The following TGM2 variants were observed in gnomAD, a reference collection of about 807,000 sequenced individuals.
TGM2 encodes the protein protein-glutamine gamma-glutamyltransferase 2.
Under a neutral mutation model 75.6 loss-of-function variants are expected in TGM2, and 53 were observed. That is an observed-to-expected ratio of 0.70 (90% CI 0.56 to 0.88). The LOEUF is 0.88. Among genes scored for constraint, TGM2 ranks in the 40% least tolerant of loss-of-function variants. TGM2 has a pLI of 0.00. For missense variants in TGM2, 842 were observed against 928.5 expected (o/e 0.91, Z 1.21); for synonymous variants, 374 against 381.1 (o/e 0.98, Z 0.22).
chr20:38,132,691 A>T (rs775442317), intron 10 of TGM2, 191 bp from the exon 11 acceptor site: 2 of 765,862 alleles, frequency 2.6e-6, no homozygotes, highest in Non-Finnish European at 4.5e-6. Flanking sequence ...GTGGACACTG[A>T]GCAGCGGGTA....
intron 3 of TGM2, among the ~76,000 whole-genome samples, chr20:38,153,533 G>GAAAAGAAAAGA (rs2075142383): frequency 2.3e-5 from 2 of 87,448 alleles, no homozygotes; most frequent in Non-Finnish European, 2.3e-5. Flanking sequence ...TCAAAAAAAA[G>GAAAAGAAAAGA]AAAAAAAAAA....
At position 38,147,955 on chromosome 20, in the gene TGM2, A is replaced by T; in HGVS notation, c.681+6T>A. ...CGCCCCTGGATGGGCCATGCCACTC[A>T]CTCACCATGCCACTCACCACCCGGC... On this transcript the variant is annotated splice_donor_region_variant and intron_variant, in intron 5 of 12. Coordinates refer to ENST00000361475, the MANE Select transcript of TGM2 (RefSeq NM_004613.4). 1 of 1,608,688 alleles carries T rather than the reference A, an allele frequency of 6.2e-7. No homozygotes were observed. Among genetic ancestry groups the T allele is most frequent in the Non-Finnish European group, 8.5e-7 (1 of 1,178,380 alleles).
chr20:38,157,333 T>C (rs2075200593), intron 2 of TGM2, among the ~76,000 whole-genome samples: 1 of 152,042 alleles, frequency 6.6e-6, no homozygotes. Flanking sequence ...AGGGGCCGAC[T>C]GGAAGCCTTT....
chr20:38,166,024 C>T (rs1243922787), upstream of TGM2, among the ~76,000 whole-genome samples: 4 of 58,836 alleles, frequency 6.8e-5, no homozygotes, highest in South Asian at 7.5e-4. Context: ...CAGATGTGGA[C>T]GCAAAATCAG....
chr20:38,156,777 T>C (rs573752104), intron 2 of TGM2, among the ~76,000 whole-genome samples: 1 of 152,346 alleles, frequency 6.6e-6, no homozygotes, highest in South Asian at 2.1e-4. Flanking sequence ...CTGCTTCCTT[T>C]GAGACCCCTT....
rs77809558 is a variant in TGM2 at position 38,163,632 on chromosome 20, C to T, written c.10+1557G>A. On this transcript the variant is annotated intron_variant, in intron 1 of 12. Coordinates refer to ENST00000361475, the MANE Select transcript of TGM2 (RefSeq NM_004613.4). ...CCAGCCCCTCTTATGACCACCCCTTCGCCACCATGTCCTGTGTTGTTCTCA... is the reference window on the plus strand; with the variant it reads ...CCAGCCCCTCTTATGACCACCCCTTTGCCACCATGTCCTGTGTTGTTCTCA... 2.2e-4 allele frequency among the ~76,000 whole-genome samples: 34 copies of T among 152,280 alleles called. No individual in the cohort carries two copies. The East Asian group carries it at 6.0e-3, about 27-fold the overall frequency.
intron 6 of TGM2, among the ~76,000 whole-genome samples, chr20:38,144,940 C>T (rs1179952924): frequency 6.6e-6 from 1 of 152,186 alleles, no homozygotes; most frequent in Non-Finnish European, 1.5e-5. Context: ...GGCCACAGCC[C>T]AGGGTGACCA....
chr20:38,162,138 C>T lies in TGM2; in HGVS notation c.11-539G>A, dbSNP rs45586735. Among the ~76,000 whole-genome samples the T allele has an allele frequency of 5.2e-3, 788 of 152,290 alleles. 12 individuals are homozygous for T. The highest frequency in any genetic ancestry group is 0.018 in the African/African-American group (739 of 41,546). ...TGCCTAAATCTTTTAATCACAAGGT[C>T]GTGACCCCCTGTGGCACTTCCTAGC... On this transcript the variant is annotated intron_variant, in intron 1 of 12. Coordinates refer to ENST00000361475, the MANE Select transcript of TGM2 (RefSeq NM_004613.4).
Position 38,128,084 on chromosome 20 carries a change from G to T in TGM2, c.*2135C>A, listed in dbSNP as rs1238864301. 1 of 152,212 alleles carries T rather than the reference G, an allele frequency of 6.6e-6. No homozygotes were observed. 9.4% of individuals were successfully genotyped at this position (152,212 alleles called of 1,614,324 possible). On this transcript the variant is annotated 3_prime_UTR_variant, in exon 13 of 13. Coordinates refer to ENST00000361475, the MANE Select transcript of TGM2 (RefSeq NM_004613.4). ...TTCCAGGACTCTGGGGACCCGAAAA[G>T]ATATCAAGGAAGGTTTCACAGAAGA... is the stretch of plus-strand genomic sequence containing the variant.
chr20:38,141,400 G>A lies in TGM2; in HGVS notation c.996-15C>T. ...AGTGGAAGTTCCTGAGGGGGATAGG[G>A]GGGCGGGAATGAAGCAGAACATGAG... is the stretch of plus-strand genomic sequence containing the variant. On this transcript the variant is annotated splice_polypyrimidine_tract_variant and intron_variant, in intron 7 of 12. Transcript: ENST00000361475. 6.4e-7 allele frequency: 1 copy of A among 1,556,230 alleles called. No individual in the cohort carries two copies. Among genetic ancestry groups the A allele is most frequent in the South Asian group, 1.2e-5 (1 of 84,748 alleles).
intron 2 of TGM2, among the ~76,000 whole-genome samples, chr20:38,156,862 C>T (rs564669968): frequency 6.6e-6 from 1 of 152,346 alleles, no homozygotes; most frequent in South Asian, 2.1e-4. Context: ...GCAAAGGTCG[C>T]ATCTGAAGTG....
intron 3 of TGM2, among the ~76,000 whole-genome samples, chr20:38,152,262 C>T (rs745575968): frequency 1.3e-5 from 2 of 152,186 alleles, no homozygotes; most frequent in Non-Finnish European, 2.9e-5. Context: ...GAAGCAGCTG[C>T]CGGCCCCTCA....
rs1397913204 is a variant in TGM2, at chr20:38,150,996, G to A, written c.495C>T (p.Gly165=). Residue 165 remains glycine, a synonymous_variant, in exon 4 of 13, where the codon GGC becomes GGT. Coordinates refer to ENST00000361475, the MANE Select transcript of TGM2 (RefSeq NM_004613.4). ...ACTTGGCCGAGCCCTGGTAGATAAAGCCCTGCTGGGTGAGGACATACTCCT... is the reference window on the plus strand; with the variant it reads ...ACTTGGCCGAGCCCTGGTAGATAAAACCCTGCTGGGTGAGGACATACTCCT... ...ERQEYVLTQQ[G]FIYQGSAKFI... 1 of 1,614,154 alleles carries A rather than the reference G, an allele frequency of 6.2e-7. No homozygotes were observed.
intron 2 of TGM2, among the ~76,000 whole-genome samples, chr20:38,157,179 CAT>C (rs2075198254): frequency 1.3e-5 from 2 of 152,206 alleles, no homozygotes; most frequent in Non-Finnish European, 2.9e-5. Context: ...CCACCGTGGA[CAT>C]TATTGGGGCC....
chr20:38,160,188 C>T (rs1286934658), intron 2 of TGM2, among the ~76,000 whole-genome samples: 1 of 152,202 alleles, frequency 6.6e-6, no homozygotes, highest in East Asian at 1.9e-4. Context: ...CAGGCCTCAG[C>T]CAAGGAATGC....
intron 1 of TGM2, among the ~76,000 whole-genome samples, chr20:38,164,437 G>T (rs1049372241): frequency 1.3e-5 from 2 of 152,140 alleles, no homozygotes; most frequent in African/African-American, 4.8e-5. Flanking sequence ...CTTGTGTGTG[G>T]GGAGGGAGTC....
chr20:38,142,058 C>T lies in TGM2; in HGVS notation c.995+6G>A, dbSNP rs373888421. The T allele has an allele frequency of 8.6e-5, 139 of 1,614,154 alleles. 1 individual carries two copies. In the African/African-American group the frequency reaches 1.6e-3, roughly 19 times the overall value. On this transcript the variant is annotated splice_donor_region_variant and intron_variant, in intron 7 of 12. Coordinates refer to ENST00000361475, the MANE Select transcript of TGM2 (RefSeq NM_004613.4). ...GGCTCCGATCCCACCCTGGCCCCCA[C>T]CTCACCAGATCATCTCGCTCTTGTC...
rs923796860 is a variant in TGM2, at chr20:38,128,936, A to T, written c.*1283T>A. 1.3e-5 allele frequency: 2 copies of T among 152,440 alleles called. No homozygotes were observed. The highest frequency in any genetic ancestry group is 4.8e-5 in the African/African-American group (2 of 41,478). The allele number at this position is 152,440 out of a possible 1,614,324, so 9.4% of individuals were successfully genotyped here. On this transcript the variant is annotated 3_prime_UTR_variant, in exon 13 of 13. Transcript: ENST00000361475. ...GCTAAGGCTGTTGGGAAGTCTAGGC[A>T]TTGCAGCGGGCAGGCTCATGGGTAG...
At chr20:38,135,212 A>C (rs2074883948) in intron 10 of TGM2, among the ~76,000 whole-genome samples, 2 of 152,196 alleles carry the variant, frequency 1.3e-5, no homozygotes, top group Admixed American at 1.3e-4. Flanking sequence ...TGTCTGGCCC[A>C]GGCCTGGAGT....
Sources: gnomAD v4.1 joint callset for allele counts (sites outside exome capture counted in the v4.1 genomes callset) on GRCh38, gnomAD v4.1.1 for gene constraint, MANE v1.5 for transcripts, NCBI Gene and HGNC (gene_info 2026-07-23, HGNC 2026-07-21) for gene names.